ZMAT4: variants seen among roughly 807,000 people sequenced by gnomAD.
ZMAT4 encodes zinc finger matrin-type 4, also known as zinc finger matrin-type protein 4.
In ZMAT4, 17 loss-of-function variants were observed where a neutral mutation model predicts 28.7. That is an observed-to-expected ratio of 0.59 (90% CI 0.41 to 0.89). The LOEUF is 0.89. Among genes scored for constraint, ZMAT4 ranks in the 40% least tolerant of loss-of-function variants. The pLI is 0.00. For synonymous variants in ZMAT4, 117 were observed against 109.2 expected (o/e 1.07, Z -0.44); for missense variants, 240 against 283.8 (o/e 0.85, Z 1.11).
intron 4 of ZMAT4, among the ~76,000 whole-genome samples, chr8:40,688,154 C>T (rs1295700016): frequency 6.6e-6 from 1 of 152,092 alleles, no homozygotes; most frequent in African/African-American, 2.4e-5. Flanking sequence ...ACCACCACAA[C>T]AAATTTAATA....
intron 2 of ZMAT4, among the ~76,000 whole-genome samples, chr8:40,779,208 C>T (rs1307767572): frequency 1.3e-5 from 2 of 152,122 alleles, no homozygotes; most frequent in Non-Finnish European, 2.9e-5. Flanking sequence ...GCTTGGCTTT[C>T]ATTCTCTCTT....
chr8:40,886,900 A>G (rs994664831), intron 1 of ZMAT4, among the ~76,000 whole-genome samples: 11 of 152,294 alleles, frequency 7.2e-5, no homozygotes, highest in East Asian at 5.8e-4. Context: ...GGTAGGGCGC[A>G]GTGGCTCACG....
intron 2 of ZMAT4, among the ~76,000 whole-genome samples, chr8:40,770,514 C>G (rs1272125167): frequency 6.6e-6 from 1 of 151,132 alleles, no homozygotes. Context: ...CCCTCCCTCC[C>G]TCCCTTTCTT....
At position 40,881,528 on chromosome 8, in the gene ZMAT4, C is replaced by CAGAAAGAAACGAGAAAGAAAGAA. The variant is rs1554497992; in HGVS notation, c.-5+16154_-5+16155insTTCTTTCTTTCTCGTTTCTTTCT. Among the ~76,000 whole-genome samples the CAGAAAGAAACGAGAAAGAAAGAA allele has an allele frequency of 2.9e-4, 15 of 51,928 alleles. 4 individuals carry two copies. Among genetic ancestry groups the CAGAAAGAAACGAGAAAGAAAGAA allele is most frequent in the East Asian group, 6.1e-4 (1 of 1,640 alleles). 34.1% of individuals were successfully genotyped at this position (51,928 alleles called of 152,430 possible). A position where few individuals can be genotyped will look rare whatever the true frequency, so the allele number is the denominator to read the frequency against. Reference sequence around the variant, plus strand: ...AAGGAAGGAAGGGGAGAGAGAGAGACAGAAAGAAAGAAAGAAAGAAAGAAA... The same window carrying CAGAAAGAAACGAGAAAGAAAGAA: ...AAGGAAGGAAGGGGAGAGAGAGAGACAGAAAGAAACGAGAAAGAAAGAAAGAAAGAAAGAAAGAAAGAAAGAAA... On this transcript the variant is annotated intron_variant, in intron 1 of 6. Coordinates refer to ENST00000297737, the MANE Select transcript of ZMAT4 (RefSeq NM_024645.3).
intron 1 of ZMAT4, among the ~76,000 whole-genome samples, chr8:40,866,285 G>C (rs1014378937): frequency 4.6e-5 from 7 of 152,158 alleles, no homozygotes; most frequent in African/African-American, 2.4e-5. Flanking sequence ...TGGGCACAAG[G>C]GTTCTGCACA....
chr8:40,799,935 AT>A lies in ZMAT4; in HGVS notation c.102+25639del, dbSNP rs532108483. ...GCAATAAAAAGAGTAAAAAATAAGA[AT>A]AACTAATGTGTTAATAAAGGAGAGA... is the stretch of plus-strand genomic sequence containing the variant. On this transcript the variant is annotated intron_variant, in intron 2 of 6. Coordinates refer to ENST00000297737, the MANE Select transcript of ZMAT4 (RefSeq NM_024645.3). Among the ~76,000 whole-genome samples, 70 of 152,350 alleles carry A rather than the reference AT, an allele frequency of 4.6e-4. 2 individuals are homozygous for A. In the South Asian group the frequency reaches 0.014, roughly 30 times the overall value.
At chr8:40,806,609 TTGAA>T (rs938849129) in intron 2 of ZMAT4, among the ~76,000 whole-genome samples, 2 of 152,214 alleles carry the variant, frequency 1.3e-5, no homozygotes, top group Non-Finnish European at 2.9e-5. Context: ...TCACATTTCA[TTGAA>T]TAGAGAATAA....
At chr8:40,717,905 G>C (rs1054263380) in intron 3 of ZMAT4, among the ~76,000 whole-genome samples, 6 of 144,388 alleles carry the variant, frequency 4.2e-5, no homozygotes, top group Non-Finnish European at 9.1e-5. Context: ...ACATACTGTT[G>C]TTCTCTGTTT....
At chr8:40,576,808 A>G (rs1804281720) in intron 6 of ZMAT4, among the ~76,000 whole-genome samples, 1 of 152,222 alleles carries the variant, frequency 6.6e-6, no homozygotes, top group African/African-American at 2.4e-5. Context: ...TGCAAAGATA[A>G]ACAATAAATC....
At chr8:40,765,848 A>C (rs966884652) in intron 3 of ZMAT4, among the ~76,000 whole-genome samples, 1 of 152,196 alleles carries the variant, frequency 6.6e-6, no homozygotes, top group Admixed American at 6.5e-5. Flanking sequence ...TAAGACACTA[A>C]ATGGCTATTA....
intron 2 of ZMAT4, among the ~76,000 whole-genome samples, chr8:40,773,944 A>G (rs1459533433): frequency 1.3e-5 from 2 of 152,144 alleles, no homozygotes; most frequent in Non-Finnish European, 2.9e-5. Context: ...AATACATGGA[A>G]TATAATAAAA....
chr8:40,642,069 C>T (rs1049460056), intron 5 of ZMAT4, among the ~76,000 whole-genome samples: 1 of 152,052 alleles, frequency 6.6e-6, no homozygotes, highest in Non-Finnish European at 1.5e-5. Context: ...TTAAGGTTGT[C>T]AAATTTACCA....
chr8:40,598,378 A>G (rs1805175579), intron 5 of ZMAT4, among the ~76,000 whole-genome samples: 1 of 152,054 alleles, frequency 6.6e-6, no homozygotes. Context: ...CCACCCCCTG[A>G]CAGGCCCCAG....
rs1390866081 is a variant in ZMAT4, at chr8:40,804,930, A to G, written c.102+20645T>C. The stretch of plus-strand genomic sequence containing the variant: ...GATATACTATAATATCGTTTAAACC[A>G]ATATTTCTCAAGTGTAAGCAAAAAA... On this transcript the variant is annotated intron_variant, in intron 2 of 6. Coordinates refer to ENST00000297737, the MANE Select transcript of ZMAT4 (RefSeq NM_024645.3). 6.6e-5 allele frequency among the ~76,000 whole-genome samples: 10 copies of G among 152,070 alleles called. No homozygotes were observed. In the East Asian group the frequency reaches 1.9e-3, roughly 29 times the overall value.
intron 2 of ZMAT4, among the ~76,000 whole-genome samples, chr8:40,781,209 T>C (rs1168753963): frequency 6.6e-6 from 1 of 151,880 alleles, no homozygotes; most frequent in Non-Finnish European, 1.5e-5. Flanking sequence ...CAAAAACCAA[T>C]TGCATTTCTA....
At position 40,590,487 on chromosome 8, in the gene ZMAT4, AC is replaced by A. The variant is rs1186847119; in HGVS notation, c.578-9227del. ...TTTTGTTTACCAGGCTGAAAATCAA[AC>A]GGCTCTTTTACAGTGTTCTCATTGG... is the stretch of plus-strand genomic sequence containing the variant. On this transcript the variant is annotated intron_variant, in intron 5 of 6. Transcript: ENST00000297737. Among the ~76,000 whole-genome samples the A allele has an allele frequency of 6.6e-5, 10 of 152,144 alleles. No individual in the cohort carries two copies. In the East Asian group the frequency reaches 1.9e-3, roughly 30 times the overall value.
At chr8:40,689,199 G>A (rs1585882472) in intron 4 of ZMAT4, among the ~76,000 whole-genome samples, 2 of 152,160 alleles carry the variant, frequency 1.3e-5, no homozygotes, top group East Asian at 3.9e-4. Flanking sequence ...GGAGCCCCAG[G>A]GCTGGACCTC....
At chr8:40,665,049 G>A (rs529118987) in intron 5 of ZMAT4, among the ~76,000 whole-genome samples, 35 of 152,156 alleles carry the variant, frequency 2.3e-4, no homozygotes, top group East Asian at 1.4e-3. Flanking sequence ...AATTCAAAAC[G>A]TAAAGCCCTA....
At chr8:40,716,050 G>T (rs936346898) in intron 3 of ZMAT4, among the ~76,000 whole-genome samples, 7 of 152,208 alleles carry the variant, frequency 4.6e-5, no homozygotes, top group Admixed American at 3.3e-4. Flanking sequence ...AATTTCCACT[G>T]CTATCTTTAT....
Sources: allele counts gnomAD v4.1 joint callset (sites outside exome capture counted in the v4.1 genomes callset), GRCh38; gene constraint gnomAD v4.1.1; transcripts MANE v1.5; gene names NCBI Gene and HGNC (gene_info 2026-07-23, HGNC 2026-07-21).